SLC24A2: variants seen among roughly 807,000 people sequenced by gnomAD.
SLC24A2 encodes the protein sodium/potassium/calcium exchanger 2.
In SLC24A2, 36 loss-of-function variants were observed where a neutral mutation model predicts 62.0. The ratio of observed to expected loss-of-function variants is 0.58; its 90% CI spans 0.44 to 0.77. The LOEUF is 0.77. Among genes scored for constraint, SLC24A2 ranks in the 30% least tolerant of loss-of-function variants. SLC24A2 has a pLI of 0.00. For missense variants in SLC24A2, 846 were observed against 817.9 expected, an observed-to-expected ratio of 1.03 and a Z score of -0.42; for synonymous variants, 358 against 294.0, an observed-to-expected ratio of 1.22 and a Z score of -2.23.
intron 2 of SLC24A2, among the ~76,000 whole-genome samples, chr9:19,770,308 A>G (rs1822646267): frequency 6.6e-6 from 1 of 151,960 alleles, no homozygotes; most frequent in Non-Finnish European, 1.5e-5. Context: ...ATACTTCTGG[A>G]TTAACGGAAG....
chr9:20,163,454 A>G, the SLC24A2 span, among the ~76,000 whole-genome samples: 1 of 152,182 alleles, frequency 6.6e-6, no homozygotes, highest in African/African-American at 2.4e-5. Context: ...AAGGAGAACT[A>G]CAAACCACTG....
the SLC24A2 span, among the ~76,000 whole-genome samples, chr9:20,026,621 A>G: frequency 6.6e-6 from 1 of 152,226 alleles, no homozygotes; most frequent in Non-Finnish European, 1.5e-5. Context: ...GGATGTCCAC[A>G]TGCCGAATAA....
chr9:20,137,240 G>T, the SLC24A2 span, among the ~76,000 whole-genome samples: 1 of 152,136 alleles, frequency 6.6e-6, no homozygotes, highest in Non-Finnish European at 1.5e-5. Context: ...TGAAATTTAA[G>T]GCATTTTCAT....
intron 8 of SLC24A2, among the ~76,000 whole-genome samples, chr9:19,545,978 G>C (rs1047947385): frequency 1.3e-5 from 2 of 152,196 alleles, no homozygotes; most frequent in South Asian, 4.1e-4. Context: ...AGGTCTGTTG[G>C]AGTTTGCTGG....
At chr9:20,042,434 C>A in the SLC24A2 span, among the ~76,000 whole-genome samples, 1 of 152,196 alleles carries the variant, frequency 6.6e-6, no homozygotes, top group African/African-American at 2.4e-5. Context: ...GAGCTGACAG[C>A]TTGATTCTGC....
chr9:20,156,981 T>A, the SLC24A2 span, among the ~76,000 whole-genome samples: 1 of 151,650 alleles, frequency 6.6e-6, no homozygotes, highest in Non-Finnish European at 1.5e-5. Flanking sequence ...AATTATTGGT[T>A]CTAAGACTAG....
chr9:19,541,584 C>G (rs563507576), intron 8 of SLC24A2, among the ~76,000 whole-genome samples: 7,770 of 143,728 alleles, frequency 0.054, 715 homozygotes, highest in African/African-American at 0.2. Flanking sequence ...CAGCTGCGTG[C>G]TGGGAGAACC....
At chr9:19,947,938 C>A in the SLC24A2 span, among the ~76,000 whole-genome samples, 1 of 152,040 alleles carries the variant, frequency 6.6e-6, no homozygotes, top group Non-Finnish European at 1.5e-5. Flanking sequence ...GGCTTTGGTG[C>A]CAGGCCACAG....
the SLC24A2 span, among the ~76,000 whole-genome samples, chr9:20,188,569 G>T: frequency 6.6e-6 from 1 of 152,094 alleles, no homozygotes; most frequent in African/African-American, 2.4e-5. Flanking sequence ...TTTTATTAAG[G>T]ATTTTGAAAT....
At chr9:20,265,119 A>G in the SLC24A2 span, among the ~76,000 whole-genome samples, 2 of 152,244 alleles carry the variant, frequency 1.3e-5, no homozygotes, top group Admixed American at 6.5e-5. Context: ...CGGGAGATCC[A>G]TATCAATGGC....
the SLC24A2 span, among the ~76,000 whole-genome samples, chr9:19,813,317 CTTTTTTTTTT>C: frequency 1.2e-5 from 1 of 86,274 alleles, no homozygotes; most frequent in African/African-American, 4.6e-5. Context: ...TCATCTTCCT[CTTTTTTTTTT>C]TTTTTTTTTT....
the SLC24A2 span, among the ~76,000 whole-genome samples, chr9:19,966,699 C>A: frequency 6.6e-6 from 1 of 152,082 alleles, no homozygotes; most frequent in African/African-American, 2.4e-5. Flanking sequence ...AAAATCAATA[C>A]AGGAAAGTGT....
the SLC24A2 span, among the ~76,000 whole-genome samples, chr9:20,073,610 A>G: frequency 3.3e-5 from 5 of 152,012 alleles, no homozygotes; most frequent in African/African-American, 1.2e-4. Flanking sequence ...TATTATATGT[A>G]ATGTACCATT....
chr9:19,545,078 T>A (rs1834483633), intron 8 of SLC24A2, among the ~76,000 whole-genome samples: 1 of 152,180 alleles, frequency 6.6e-6, no homozygotes, highest in African/African-American at 2.4e-5. Flanking sequence ...AGAGGTGGAT[T>A]TGATCTTTTC....
At chr9:19,913,478 TG>T in the SLC24A2 span, among the ~76,000 whole-genome samples, 1 of 152,056 alleles carries the variant, frequency 6.6e-6, no homozygotes, top group Non-Finnish European at 1.5e-5. Context: ...GGCTTGGAAT[TG>T]TGTCCTGAGG....
the SLC24A2 span, among the ~76,000 whole-genome samples, chr9:20,135,652 G>T: frequency 6.6e-6 from 1 of 152,056 alleles, no homozygotes; most frequent in South Asian, 2.1e-4. Flanking sequence ...TAACCACAGA[G>T]GGGTTACAAC....
chr9:19,652,151 TACTG>T (rs1365916390), intron 2 of SLC24A2, among the ~76,000 whole-genome samples: 4 of 152,218 alleles, frequency 2.6e-5, no homozygotes, highest in African/African-American at 2.4e-5. Context: ...GATTAGAAGT[TACTG>T]ACTACTATAC....
intron 2 of SLC24A2, among the ~76,000 whole-genome samples, chr9:19,722,057 T>G (rs1821042065): frequency 6.6e-6 from 1 of 152,174 alleles, no homozygotes; most frequent in Non-Finnish European, 1.5e-5. Flanking sequence ...GGGGAAAGCA[T>G]CCTAGAGACT....
At chr9:20,131,038 G>A in the SLC24A2 span, among the ~76,000 whole-genome samples, 2 of 151,466 alleles carry the variant, frequency 1.3e-5, no homozygotes, top group Non-Finnish European at 2.9e-5. Context: ...AATAGCCTGA[G>A]ATTTCTTCTA....
Sources: gnomAD v4.1 joint callset for allele counts (sites outside exome capture counted in the v4.1 genomes callset) on GRCh38, gnomAD v4.1.1 for gene constraint, MANE v1.5 for transcripts, NCBI Gene and HGNC (gene_info 2026-07-23, HGNC 2026-07-21) for gene names.